Variants in HSCB observed in about 807,000 individuals in gnomAD.
The protein encoded by HSCB is HscB mitochondrial iron-sulfur cluster cochaperone.
A neutral mutation model predicts 31.3 loss-of-function variants in HSCB; 23 were observed. That is an observed-to-expected ratio of 0.74 (90% CI 0.53 to 1.04). HSCB has a LOEUF of 1.04. Among genes scored for constraint, HSCB ranks in the 50% least tolerant of loss-of-function variants. The pLI is 0.00. For missense variants in HSCB, 297 were observed against 288.1 expected, an observed-to-expected ratio of 1.03 and a Z score of -0.22; for synonymous variants, 110 against 104.5, an observed-to-expected ratio of 1.05 and a Z score of -0.32.
At chr22:28,747,292 T>C (rs1156633084) in intron 4 of HSCB, among the ~76,000 whole-genome samples, 2 of 152,148 alleles carry the variant, frequency 1.3e-5, no homozygotes, top group Non-Finnish European at 2.9e-5. Context: ...CACAGGATCA[T>C]CTAAACTAGT....
chr22:28,746,791 C>T (rs1421337067), intron 4 of HSCB, among the ~76,000 whole-genome samples: 1 of 151,732 alleles, frequency 6.6e-6, no homozygotes, highest in Non-Finnish European at 1.5e-5. Flanking sequence ...CCCAACTACT[C>T]GGGAAGCTGA....
rs1294367491 is a variant in HSCB at position 28,743,965 on chromosome 22, G to A, written c.320G>A (p.Ser107Asn). ...CGTCTTGTCCACCCAGATTTCTTCA[G>A]CCAGAGGTCTCAGGTAGCTTATTGG... is the stretch of plus-strand genomic sequence containing the variant. Reference protein sequence around the residue: ...LQRLVHPDFFSQRSQTEKDFS... With the variant: ...LQRLVHPDFFNQRSQTEKDFS... The change falls in exon 2 of 6, where the codon AGC becomes AAC. Residue 107 changes from serine (S) to asparagine (N), a missense_variant. Ser to Asn is a conservative substitution (Grantham distance 46). Transcript: ENST00000216027. 4 of 1,613,778 alleles carry A rather than the reference G, an allele frequency of 2.5e-6. No individual in the cohort carries two copies. The highest frequency in any genetic ancestry group is 3.4e-6 in the Non-Finnish European group (4 of 1,179,806).
At chr22:28,751,607 T>G (rs1393198207) in intron 5 of HSCB, among the ~76,000 whole-genome samples, 1 of 151,944 alleles carries the variant, frequency 6.6e-6, no homozygotes, top group African/African-American at 2.4e-5. Context: ...TAACTGGGTG[T>G]GGTGGCACAA....
chr22:28,755,931 G>T (rs1012448706), intron 5 of HSCB, among the ~76,000 whole-genome samples: 1 of 152,112 alleles, frequency 6.6e-6, no homozygotes, highest in Admixed American at 6.6e-5. Flanking sequence ...CCCCATGGGG[G>T]CAAAATCATC....
At chr22:28,751,195 G>T in intron 4 of HSCB, 46 bp from the exon 5 acceptor site, 1 of 1,133,272 alleles carries the variant, frequency 8.8e-7, no homozygotes, top group South Asian at 1.3e-5. Flanking sequence ...TTCATATTAT[G>T]AGTCTATTTC....
At chr22:28,748,942 C>T (rs2030021165) in intron 4 of HSCB, among the ~76,000 whole-genome samples, 1 of 152,140 alleles carries the variant, frequency 6.6e-6, no homozygotes, top group Non-Finnish European at 1.5e-5. Flanking sequence ...GAGTTCAAGA[C>T]TAGCCTAGTC....
At chr22:28,742,465 C>A in intron 1 of HSCB, 134 bp downstream of exon 1, 2 of 1,401,740 alleles carry the variant, frequency 1.4e-6, no homozygotes, top group Non-Finnish European at 1.9e-6. Flanking sequence ...AGAGAGCAGG[C>A]GTGAGAGAAG....
intron 5 of HSCB, among the ~76,000 whole-genome samples, chr22:28,754,883 C>G (rs2030495232): frequency 6.6e-6 from 1 of 150,826 alleles, no homozygotes; most frequent in Admixed American, 6.6e-5. Context: ...GCAACCTCAG[C>G]CTTTCGGTTT....
intron 4 of HSCB, among the ~76,000 whole-genome samples, chr22:28,747,908 G>A (rs2029942972): frequency 6.6e-6 from 1 of 151,940 alleles, no homozygotes; most frequent in Admixed American, 6.6e-5. Context: ...CTCTTAGGCT[G>A]GGTGCAGTGG....
intron 1 of HSCB, 126 bp downstream of exon 1, chr22:28,742,457 A>G: frequency 1.4e-6 from 2 of 1,435,096 alleles, no homozygotes; most frequent in South Asian, 2.8e-5. Context: ...GGAGGTCTAG[A>G]GAGCAGGCGT....
At chr22:28,742,612 A>T (rs1257493272) in intron 1 of HSCB, 2 of 366,448 alleles carry the variant, frequency 5.5e-6, no homozygotes, top group Non-Finnish European at 4.8e-6. Flanking sequence ...GCTAGAGGGG[A>T]GGGAGATTTG....
chr22:28,746,380 C>CAAA (rs56751858), intron 4 of HSCB, among the ~76,000 whole-genome samples: 51 of 71,536 alleles, frequency 7.1e-4, no homozygotes, highest in African/African-American at 9.8e-4. Context: ...GACTCCATCT[C>CAAA]AAAAAAAAAA....
chr22:28,747,026 T>A (rs2029893855), intron 4 of HSCB, among the ~76,000 whole-genome samples: 1 of 152,138 alleles, frequency 6.6e-6, no homozygotes, highest in South Asian at 2.1e-4. Context: ...ATCACACCAC[T>A]GTACTCCAGC....
chr22:28,746,003 T>G lies in HSCB; in HGVS notation c.563T>G (p.Val188Gly), dbSNP rs1320765256. ...GCCATGAAAGAGATTGAATCCATTG[T>G]CAAAGGTGAAAGATAAAATAGCACT... ...EAAMKEIESI[V>G]KAKQKEFTDN... The change falls in exon 4 of 6, where the codon GTC becomes GGC. Residue 188 changes from valine (V) to glycine (G), a missense_variant. Transcript: ENST00000216027. 2 of 1,609,454 alleles carry G rather than the reference T, an allele frequency of 1.2e-6. No homozygotes were observed. Among genetic ancestry groups the G allele is most frequent in the Non-Finnish European group, 1.7e-6 (2 of 1,178,798 alleles).
chr22:28,750,861 G>A (rs1207991741), intron 4 of HSCB, among the ~76,000 whole-genome samples: 1 of 150,882 alleles, frequency 6.6e-6, no homozygotes, highest in East Asian at 2.0e-4. Context: ...TTACTGATAG[G>A]TGTTCCCAGC....
intron 1 of HSCB, among the ~76,000 whole-genome samples, chr22:28,743,680 T>A (rs545427472): frequency 1.3e-5 from 2 of 152,198 alleles, no homozygotes; most frequent in Non-Finnish European, 2.9e-5. Flanking sequence ...TCATTCAGGT[T>A]TCAGCTGAGT....
At chr22:28,746,681 C>T (rs1423409289) in intron 4 of HSCB, among the ~76,000 whole-genome samples, 1 of 152,000 alleles carries the variant, frequency 6.6e-6, no homozygotes, top group Non-Finnish European at 1.5e-5. Context: ...GGGTGGGTCA[C>T]CTGAGGTTGG....
Position 28,757,263 on chromosome 22 carries a change from G to T in HSCB, c.*94G>T. On this transcript the variant is annotated 3_prime_UTR_variant, in exon 6 of 6. Transcript: ENST00000216027. ...GCACTTTGGGAGGCTGAGGTGGGTG[G>T]ATGACAAGGTCAGGAGTTCAAGACC... The T allele has an allele frequency of 3.1e-6, 2 of 640,060 alleles. No homozygotes were observed. Among genetic ancestry groups the T allele is most frequent in the South Asian group, 3.3e-5 (2 of 61,116 alleles). 39.6% of individuals were successfully genotyped at this position (640,060 alleles called of 1,614,324 possible).
intron 4 of HSCB, among the ~76,000 whole-genome samples, chr22:28,750,629 C>T (rs956671832): frequency 1.3e-5 from 2 of 152,062 alleles, no homozygotes; most frequent in Non-Finnish European, 2.9e-5. Flanking sequence ...GACAGTGCTT[C>T]GAAAGACGAC....
Sources: gnomAD v4.1 joint callset for allele counts (sites outside exome capture counted in the v4.1 genomes callset) on GRCh38, gnomAD v4.1.1 for gene constraint, MANE v1.5 for transcripts, NCBI Gene and HGNC (gene_info 2026-07-23, HGNC 2026-07-21) for gene names.